Variants in FUT9 observed in about 807,000 individuals in gnomAD.
The protein encoded by FUT9 is fucosyltransferase 9, also known as 4-galactosyl-N-acetylglucosaminide 3-alpha-L-fucosyltransferase 9.
FUT9 carries 15 observed loss-of-function variants against 29.7 expected under a neutral mutation model. The observed-to-expected ratio is 0.51, with a 90% CI of 0.34 to 0.78. The LOEUF (loss-of-function observed/expected upper bound fraction) is 0.78, where lower values mean the gene tolerates loss of function less well. Among genes scored for constraint, FUT9 ranks in the 30% least tolerant of loss-of-function variants. FUT9 has a pLI of 0.01. For synonymous variants in FUT9, 169 were observed against 153.7 expected, an observed-to-expected ratio of 1.10 and a Z score of -0.74; for missense variants, 319 against 425.4, an observed-to-expected ratio of 0.75 and a Z score of 2.20.
chr6:96,051,010 C>CTGTGTGTGTG (rs72037171), intron 1 of FUT9, among the ~76,000 whole-genome samples: 1 of 148,292 alleles, frequency 6.7e-6, no homozygotes, highest in East Asian at 2.0e-4. Context: ...CTCTCTCTCT[C>CTGTGTGTGTG]TCTGTGTGTG....
At chr6:96,193,899 T>C (rs1472194836) in intron 2 of FUT9, among the ~76,000 whole-genome samples, 1 of 152,168 alleles carries the variant, frequency 6.6e-6, no homozygotes, top group African/African-American at 2.4e-5. Flanking sequence ...TCATGTCCTT[T>C]GTAGGGACAT....
chr6:96,159,378 G>C (rs769496492), intron 2 of FUT9, among the ~76,000 whole-genome samples: 2 of 151,872 alleles, frequency 1.3e-5, no homozygotes, highest in Non-Finnish European at 2.9e-5. Context: ...AAAAAATTAA[G>C]AGCATCTTTT....
At chr6:96,062,183 C>G (rs1016227587) in intron 1 of FUT9, among the ~76,000 whole-genome samples, 2 of 150,802 alleles carry the variant, frequency 1.3e-5, no homozygotes, top group African/African-American at 2.4e-5. Flanking sequence ...AGAACTTAAA[C>G]TGTAATAATG....
chr6:96,033,119 T>C (rs1166815849), intron 1 of FUT9, among the ~76,000 whole-genome samples: 1 of 151,606 alleles, frequency 6.6e-6, no homozygotes, highest in Non-Finnish European at 1.5e-5. Context: ...TTACACCTTA[T>C]GCAGATAAAA....
At position 96,149,319 on chromosome 6, in the gene FUT9, T is replaced by G. The variant is rs138886861; in HGVS notation, c.-9+35192T>G. ...AACATGATTACTAATTTAGATGACA[T>G]GTAACCAAGTTTAAGGCAGACAAAA... On this transcript the variant is annotated intron_variant, in intron 2 of 2. Transcript: ENST00000302103. Among the ~76,000 whole-genome samples, 492 of 137,830 alleles carry G rather than the reference T, an allele frequency of 3.6e-3. 1 individual carries two copies. Among genetic ancestry groups the G allele is most frequent in the African/African-American group, 0.011 (437 of 39,164 alleles). 90.4% of individuals were successfully genotyped at this position (137,830 alleles called of 152,430 possible).
intron 1 of FUT9, among the ~76,000 whole-genome samples, chr6:96,112,556 A>G (rs1393273976): frequency 6.6e-6 from 1 of 152,232 alleles, no homozygotes; most frequent in Non-Finnish European, 1.5e-5. Context: ...GAAATCCACA[A>G]AGAAATCAGA....
chr6:96,137,566 T>G (rs914909098), intron 2 of FUT9, among the ~76,000 whole-genome samples: 1 of 152,010 alleles, frequency 6.6e-6, no homozygotes, highest in African/African-American at 2.4e-5. Context: ...AAACATTGCC[T>G]CAGCAAGGTG....
intron 2 of FUT9, among the ~76,000 whole-genome samples, chr6:96,155,396 A>C (rs1338952949): frequency 4.6e-5 from 7 of 152,250 alleles, no homozygotes; most frequent in Middle Eastern, 3.4e-3. Flanking sequence ...GATTAGGTTA[A>C]AATAAGGCCT....
chr6:96,044,397 G>A (rs2127934736), intron 1 of FUT9, among the ~76,000 whole-genome samples: 1 of 152,240 alleles, frequency 6.6e-6, no homozygotes, highest in East Asian at 1.9e-4. Context: ...CAGATTTGAG[G>A]GGAAATATTC....
chr6:96,097,516 A>C (rs10499002), intron 1 of FUT9, among the ~76,000 whole-genome samples: 44 of 152,160 alleles, frequency 2.9e-4, no homozygotes, highest in Non-Finnish European at 5.3e-4. Context: ...TTCATGAGTA[A>C]AATGTATGAG....
intron 2 of FUT9, among the ~76,000 whole-genome samples, chr6:96,183,074 C>T (rs750730917): frequency 2.0e-5 from 3 of 151,832 alleles, no homozygotes; most frequent in Non-Finnish European, 4.4e-5. Flanking sequence ...TCCATGAGCA[C>T]GGGATGTGTT....
chr6:96,171,516 C>T (rs940014555), intron 2 of FUT9, among the ~76,000 whole-genome samples: 42 of 152,220 alleles, frequency 2.8e-4, no homozygotes, highest in South Asian at 1.7e-3. Context: ...TTGTCTGAGA[C>T]GCTCTTCCTC....
chr6:96,184,021 C>G (rs1029724231), intron 2 of FUT9, among the ~76,000 whole-genome samples: 6 of 151,942 alleles, frequency 3.9e-5, no homozygotes, highest in Non-Finnish European at 8.8e-5. Context: ...AGGATTGGTG[C>G]CAATTCTTCT....
chr6:96,143,208 A>T (rs1215523644), intron 2 of FUT9, among the ~76,000 whole-genome samples: 3 of 152,182 alleles, frequency 2.0e-5, no homozygotes, highest in Admixed American at 2.0e-4. Flanking sequence ...AGCTCTAAAG[A>T]GCTGCCTCAC....
At chr6:96,072,915 G>A (rs527370524) in intron 1 of FUT9, among the ~76,000 whole-genome samples, 1 of 152,112 alleles carries the variant, frequency 6.6e-6, no homozygotes, top group Non-Finnish European at 1.5e-5. Flanking sequence ...TATTTGACAG[G>A]CATATGTCAG....
At chr6:96,130,569 C>G (rs1048506186) in intron 2 of FUT9, among the ~76,000 whole-genome samples, 3 of 152,052 alleles carry the variant, frequency 2.0e-5, no homozygotes, top group African/African-American at 7.2e-5. Flanking sequence ...AATTCATGAG[C>G]CTGAGTGAAA....
intron 1 of FUT9, among the ~76,000 whole-genome samples, chr6:96,020,422 A>C (rs556680635): frequency 6.6e-6 from 1 of 152,220 alleles, no homozygotes; most frequent in South Asian, 2.1e-4. Flanking sequence ...TTTATTTTTA[A>C]ATTTTTACCT....
intron 1 of FUT9, among the ~76,000 whole-genome samples, chr6:96,074,468 A>C (rs2127948567): frequency 6.6e-6 from 1 of 152,220 alleles, no homozygotes; most frequent in African/African-American, 2.4e-5. Flanking sequence ...GTTTAATAAT[A>C]AGGCTCTTGG....
chr6:96,203,989 G>C lies in FUT9; in HGVS notation c.834G>C (p.Glu278Asp). Residue 278 changes from glutamate to aspartate, a missense_variant, in exon 3 of 3, where the codon GAG (glutamate) becomes GAC (aspartate). Glu to Asp is a conservative substitution (Grantham distance 45). Coordinates refer to ENST00000302103, the MANE Select transcript of FUT9 (RefSeq NM_006581.4). ...TGGGACCATCTAGGGAAAACTATGA[G>C]AATTATATTCCAGCAGATTCATTCA... ...VVLGPSRENY[E>D]NYIPADSFIH... 6.2e-7 allele frequency: 1 copy of C among 1,612,288 alleles called. No individual in the cohort carries two copies. The highest frequency in any genetic ancestry group is 8.5e-7 in the Non-Finnish European group (1 of 1,179,504).
Sources: allele counts gnomAD v4.1 joint callset (sites outside exome capture counted in the v4.1 genomes callset), GRCh38; gene constraint gnomAD v4.1.1; transcripts MANE v1.5; gene names NCBI Gene and HGNC (gene_info 2026-07-23, HGNC 2026-07-21).